The following EXT1 variants were observed in gnomAD, a reference collection of about 807,000 sequenced individuals.
EXT1 encodes the protein exostosin-1.
Under a neutral mutation model 82.5 loss-of-function variants are expected in EXT1, and 20 were observed. The ratio of observed to expected loss-of-function variants is 0.24; its 90% CI spans 0.17 to 0.35. The LOEUF (loss-of-function observed/expected upper bound fraction) is 0.35. Ranked by LOEUF, EXT1 falls within the 10% of genes least tolerant of loss-of-function variation. The pLI is 1.00. For synonymous variants in EXT1, 348 were observed against 350.8 expected (o/e 0.99, Z 0.09); for missense variants, 757 against 936.5 (o/e 0.81, Z 2.50).
At chr8:117,945,568 C>A (rs1814371125) in intron 1 of EXT1, among the ~76,000 whole-genome samples, 1 of 151,520 alleles carries the variant, frequency 6.6e-6, no homozygotes, top group African/African-American at 2.4e-5. Context: ...GTGGTGTGAT[C>A]TCGGCTCACT....
intron 1 of EXT1, among the ~76,000 whole-genome samples, chr8:117,875,998 C>T (rs765750145): frequency 6.6e-6 from 1 of 152,172 alleles, no homozygotes; most frequent in Admixed American, 6.5e-5. Flanking sequence ...CTAAAGAACA[C>T]AAATGAATTC....
chr8:117,899,261 T>G (rs1387695914), intron 1 of EXT1, among the ~76,000 whole-genome samples: 1 of 152,152 alleles, frequency 6.6e-6, no homozygotes, highest in Non-Finnish European at 1.5e-5. Context: ...AAAGGTGAGT[T>G]TTTAAAAATA....
chr8:117,814,234 G>GGGGTGTGTGT (rs1811751132), intron 7 of EXT1, among the ~76,000 whole-genome samples: 2 of 146,738 alleles, frequency 1.4e-5, no homozygotes, highest in Non-Finnish European at 3.0e-5. Flanking sequence ...CACACACAGT[G>GGGGTGTGTGT]GTGTGTGTGT....
intron 1 of EXT1, among the ~76,000 whole-genome samples, chr8:117,844,540 A>G (rs1812323065): frequency 6.6e-6 from 1 of 152,138 alleles, no homozygotes; most frequent in Non-Finnish European, 1.5e-5. Context: ...ACTGAGAAAC[A>G]TATATAAGTG....
At chr8:118,109,984 A>C in intron 1 of EXT1, 101 bp downstream of exon 1, 1 of 1,576,404 alleles carries the variant, frequency 6.3e-7, no homozygotes. Context: ...AAGAGGACTG[A>C]GGGCTCATCC....
At chr8:117,917,579 T>C (rs1298429285) in intron 1 of EXT1, among the ~76,000 whole-genome samples, 1 of 152,248 alleles carries the variant, frequency 6.6e-6, no homozygotes, top group Non-Finnish European at 1.5e-5. Context: ...TGAGGTGCAA[T>C]ATTCATTTAG....
rs1817829788 is a variant in EXT1, at chr8:118,108,029, C to T, written c.962+2056G>A. On this transcript the variant is annotated intron_variant, in intron 1 of 10. Transcript: ENST00000378204. Reference sequence around the variant, plus strand: ...ACCCCTTGTGGTCTTTAAACATAAACCAAAGTGTGGGTGTCATATTTCTTG... The same window carrying T: ...ACCCCTTGTGGTCTTTAAACATAAATCAAAGTGTGGGTGTCATATTTCTTG... Among the ~76,000 whole-genome samples the T allele has an allele frequency of 3.3e-5, 5 of 152,108 alleles. No homozygotes were observed. The South Asian group carries it at 1.0e-3, about 32-fold the overall frequency.
intron 1 of EXT1, among the ~76,000 whole-genome samples, chr8:118,018,348 G>A (rs1465215802): frequency 6.6e-6 from 1 of 152,112 alleles, no homozygotes; most frequent in Non-Finnish European, 1.5e-5. Context: ...GAAAAAACAG[G>A]TGAAGATGAA....
intron 1 of EXT1, among the ~76,000 whole-genome samples, chr8:117,911,825 T>A (rs1469276731): frequency 6.6e-6 from 1 of 152,220 alleles, no homozygotes; most frequent in East Asian, 1.9e-4. Context: ...GTACTTAGCT[T>A]GATGCCTTCT....
At chr8:118,093,468 T>C (rs908443218) in intron 1 of EXT1, among the ~76,000 whole-genome samples, 1 of 152,168 alleles carries the variant, frequency 6.6e-6, no homozygotes, top group African/African-American at 2.4e-5. Flanking sequence ...TTTTGAACAG[T>C]GGATGTTAGA....
intron 1 of EXT1, among the ~76,000 whole-genome samples, chr8:117,916,117 A>C (rs190127001): frequency 6.6e-6 from 1 of 152,322 alleles, no homozygotes; most frequent in Admixed American, 6.5e-5. Flanking sequence ...CTATATCTTG[A>C]CACAGAAAAG....
At chr8:118,032,121 TACTCA>T (rs1816334957) in intron 1 of EXT1, among the ~76,000 whole-genome samples, 1 of 139,520 alleles carries the variant, frequency 7.2e-6, no homozygotes, top group Admixed American at 7.1e-5. Context: ...TTTTGGCCAT[TACTCA>T]ATGGCCAAAA....
Position 118,110,995 on chromosome 8 carries a change from C to T in EXT1, c.52G>A (p.Ala18Thr), listed in dbSNP as rs2130045902. Residue 18 changes from alanine to threonine, a missense_variant, in exon 1 of 11, where the codon GCC becomes ACC. Ala to Thr is a moderately conservative substitution (Grantham distance 58). Around this residue, in one of 4 missense-constraint regions of EXT1, gnomAD observed 175 missense variants for 159.0 expected, o/e 1.10. Coordinates refer to ENST00000378204, the MANE Select transcript of EXT1 (RefSeq NM_000127.3). ...AAGCCTCCGAAATAAAACAAAAGGG[C>T]GAGACAAGAGCCAGCTGAGAGCAGG... is the stretch of plus-strand genomic sequence containing the variant. Reference protein sequence around the residue: ...FILLSAGSCLALLFYFGGLQF... With the variant: ...FILLSAGSCLTLLFYFGGLQF... The T allele has an allele frequency of 6.2e-7, 1 of 1,607,344 alleles. No individual in the cohort carries two copies.
intron 1 of EXT1, among the ~76,000 whole-genome samples, chr8:117,962,609 T>A (rs1814723159): frequency 6.6e-6 from 1 of 152,080 alleles, no homozygotes; most frequent in Non-Finnish European, 1.5e-5. Context: ...AAAAATTAGC[T>A]GGGCTTTGTG....
chr8:118,040,970 G>A (rs752081155), intron 1 of EXT1, among the ~76,000 whole-genome samples: 18 of 152,136 alleles, frequency 1.2e-4, no homozygotes, highest in African/African-American at 4.3e-4. Flanking sequence ...TTACTGCAGG[G>A]GACCCAATTC....
intron 1 of EXT1, among the ~76,000 whole-genome samples, chr8:117,967,521 T>C (rs1329898605): frequency 3.2e-5 from 2 of 62,682 alleles, no homozygotes; most frequent in African/African-American, 4.3e-4. Context: ...TGTTTATAAA[T>C]GGAAACATAA....
intron 1 of EXT1, among the ~76,000 whole-genome samples, chr8:118,004,389 A>C (rs1563626652): frequency 1.3e-5 from 2 of 152,328 alleles, no homozygotes; most frequent in East Asian, 3.9e-4. Flanking sequence ...TCCTCAATGA[A>C]TATTTTGGAG....
At chr8:117,846,007 C>T (rs1812353472) in intron 1 of EXT1, among the ~76,000 whole-genome samples, 1 of 152,164 alleles carries the variant, frequency 6.6e-6, no homozygotes, top group African/African-American at 2.4e-5. Context: ...TAACGAGGTG[C>T]CAGCAAAGGT....
At chr8:117,918,707 G>A (rs1028431762) in intron 1 of EXT1, among the ~76,000 whole-genome samples, 9 of 152,164 alleles carry the variant, frequency 5.9e-5, no homozygotes, top group East Asian at 3.9e-4. Flanking sequence ...CGAACTGAGC[G>A]TCCCACTGAG....
Sources: gnomAD v4.1 joint callset for allele counts (sites outside exome capture counted in the v4.1 genomes callset) on GRCh38, gnomAD v4.1.1 for gene constraint, gnomAD v4.1.1 regional missense constraint, MANE v1.5 for transcripts, NCBI Gene and HGNC (gene_info 2026-07-23, HGNC 2026-07-21) for gene names.